NUDCD3: variants seen among roughly 807,000 people sequenced by gnomAD.
NUDCD3 encodes the protein NudC domain containing 3, also known as nudC domain-containing protein 3.
A neutral mutation model predicts 39.7 loss-of-function variants in NUDCD3; 13 were observed. That is an observed-to-expected ratio of 0.33 (90% CI 0.21 to 0.52). The LOEUF is 0.52. NUDCD3 is among the 20% of genes least tolerant of loss of function. The probability of loss-of-function intolerance (pLI) is 0.96; values close to 1 mark genes in which losing one functional copy is unlikely to be tolerated. For synonymous variants in NUDCD3, 175 were observed against 172.4 expected (o/e 1.02, Z -0.12); for missense variants, 453 against 458.1 (o/e 0.99, Z 0.10).
At chr7:44,485,456 A>T (rs1800586818) in intron 1 of NUDCD3, 172 bp from the exon 2 acceptor site, 3 of 572,002 alleles carry the variant, frequency 5.2e-6, no homozygotes, top group Non-Finnish European at 9.2e-6. Flanking sequence ...TGACAGGTAA[A>T]CAGTGTTTAA....
intron 1 of NUDCD3, among the ~76,000 whole-genome samples, chr7:44,488,890 C>A (rs2116990547): frequency 6.6e-6 from 1 of 152,306 alleles, no homozygotes; most frequent in South Asian, 2.1e-4. Flanking sequence ...GAAACAAAGA[C>A]CAACCTCTCA....
chr7:44,435,337 G>A (rs963526880), intron 2 of NUDCD3, among the ~76,000 whole-genome samples: 4 of 152,150 alleles, frequency 2.6e-5, no homozygotes, highest in Non-Finnish European at 5.9e-5. Flanking sequence ...TTCCTTACAA[G>A]TGGGGAACTG....
intron 2 of NUDCD3, among the ~76,000 whole-genome samples, chr7:44,455,602 G>C (rs1799876360): frequency 6.6e-6 from 1 of 152,166 alleles, no homozygotes. Flanking sequence ...TTGGGAGTGT[G>C]CATGACAGCG....
At chr7:44,407,025 A>G (rs573683210) in intron 3 of NUDCD3, among the ~76,000 whole-genome samples, 1 of 152,258 alleles carries the variant, frequency 6.6e-6, no homozygotes, top group South Asian at 2.1e-4. Context: ...AGAAGAATGG[A>G]GGACCTTGCT....
At chr7:44,477,678 A>G (rs1800401471) in intron 2 of NUDCD3, among the ~76,000 whole-genome samples, 1 of 152,228 alleles carries the variant, frequency 6.6e-6, no homozygotes, top group African/African-American at 2.4e-5. Context: ...TGACTACGTC[A>G]TAAGATGCTG....
intron 2 of NUDCD3, among the ~76,000 whole-genome samples, chr7:44,483,608 T>C (rs541467666): frequency 4.6e-5 from 7 of 152,208 alleles, no homozygotes; most frequent in Non-Finnish European, 1.0e-4. Flanking sequence ...GGTTCTGCCA[T>C]CAAACAATTG....
chr7:44,416,579 AG>A (rs956635673), intron 3 of NUDCD3, among the ~76,000 whole-genome samples: 2 of 152,160 alleles, frequency 1.3e-5, no homozygotes, highest in African/African-American at 4.8e-5. Context: ...AGGAGAAAAA[AG>A]TTTTTCCAAC....
At chr7:44,414,036 A>G (rs2116885479) in intron 3 of NUDCD3, among the ~76,000 whole-genome samples, 1 of 148,708 alleles carries the variant, frequency 6.7e-6, no homozygotes, top group Non-Finnish European at 1.5e-5. Flanking sequence ...CCCTGTCTCA[A>G]AAAAAAAAAA....
intron 3 of NUDCD3, among the ~76,000 whole-genome samples, chr7:44,424,977 T>C (rs1255309819): frequency 6.6e-6 from 1 of 152,048 alleles, no homozygotes; most frequent in Non-Finnish European, 1.5e-5. Context: ...AAAGAATGAG[T>C]TCATGTCCTT....
intron 4 of NUDCD3, among the ~76,000 whole-genome samples, chr7:44,402,321 G>C (rs1798741488): frequency 6.6e-6 from 1 of 152,120 alleles, no homozygotes; most frequent in African/African-American, 2.4e-5. Context: ...TTAATGTTTT[G>C]GCCACTAGTC....
chr7:44,452,041 G>A (rs17711663), intron 2 of NUDCD3, among the ~76,000 whole-genome samples: 19,589 of 152,220 alleles, frequency 0.13, 1,676 homozygotes, highest in Non-Finnish European at 0.19. Flanking sequence ...CCTGTGCTAC[G>A]AGGATGGTGG....
At chr7:44,430,293 GA>G (rs1037643931) in intron 2 of NUDCD3, among the ~76,000 whole-genome samples, 6 of 152,182 alleles carry the variant, frequency 3.9e-5, no homozygotes, top group African/African-American at 1.4e-4. Flanking sequence ...AGCAGGGTAC[GA>G]AGGAGTCAGA....
chr7:44,468,906 T>G (rs1228239124), intron 2 of NUDCD3, among the ~76,000 whole-genome samples: 1 of 151,838 alleles, frequency 6.6e-6, no homozygotes, highest in African/African-American at 2.4e-5. Context: ...GGAATAACTA[T>G]CCATGAATAC....
chr7:44,472,758 C>G (rs1800281408), intron 2 of NUDCD3, among the ~76,000 whole-genome samples: 1 of 152,150 alleles, frequency 6.6e-6, no homozygotes, highest in Non-Finnish European at 1.5e-5. Flanking sequence ...AAGTGAACGA[C>G]ATTTCAAAGA....
rs554571654 is a variant in NUDCD3 at position 44,417,171 on chromosome 7, C to T, written c.642+10400G>A. 1.6e-4 allele frequency among the ~76,000 whole-genome samples: 24 copies of T among 152,294 alleles called. No individual in the cohort carries two copies. The South Asian group carries it at 4.4e-3, about 28-fold the overall frequency. On this transcript the variant is annotated intron_variant, in intron 3 of 5. Transcript: ENST00000355451. ...AAGCACAGCCCACACGTTTAGAAAA[C>T]GTCTAATGTAGAATGAGCCAAATCC...
intron 2 of NUDCD3, among the ~76,000 whole-genome samples, chr7:44,437,069 C>CTTTTTTTTTTTTT (rs35904938): frequency 2.6e-5 from 3 of 117,292 alleles, no homozygotes; most frequent in Non-Finnish European, 3.6e-5. Flanking sequence ...CTTTTCTTTT[C>CTTTTTTTTTTTTT]TTTTTTTTTT....
intron 2 of NUDCD3, among the ~76,000 whole-genome samples, chr7:44,478,871 T>C (rs963366263): frequency 2.6e-5 from 4 of 152,122 alleles, no homozygotes; most frequent in African/African-American, 4.8e-5. Flanking sequence ...CCAATGGAAA[T>C]GTCATTGTAT....
chr7:44,487,841 C>G (rs149119146), intron 1 of NUDCD3, among the ~76,000 whole-genome samples: 1 of 152,132 alleles, frequency 6.6e-6, no homozygotes, highest in African/African-American at 2.4e-5. Context: ...GTAAACCCAG[C>G]TACTCGGGAG....
At chr7:44,439,944 T>A (rs1939103068) in intron 2 of NUDCD3, among the ~76,000 whole-genome samples, 2 of 152,186 alleles carry the variant, frequency 1.3e-5, no homozygotes, top group Admixed American at 6.5e-5. Flanking sequence ...AATCTCTAAG[T>A]CAGTATCTTC....
Sources: allele counts gnomAD v4.1 joint callset (sites outside exome capture counted in the v4.1 genomes callset), GRCh38; gene constraint gnomAD v4.1.1; transcripts MANE v1.5; gene names NCBI Gene and HGNC (gene_info 2026-07-23, HGNC 2026-07-21).